The following BARD1 variants were observed in gnomAD, a reference collection of about 807,000 sequenced individuals.
BARD1 encodes the protein BRCA1-associated RING domain protein 1.
BARD1 carries 73 observed loss-of-function variants against 77.0 expected under a neutral mutation model. The ratio of observed to expected loss-of-function variants is 0.95; its 90% CI spans 0.79 to 1.15. The LOEUF is 1.15. Ranked by LOEUF, BARD1 falls within the 50% of genes most tolerant of loss-of-function variation. The pLI is 0.00. For synonymous variants in BARD1, 384 were observed against 338.0 expected (o/e 1.14, Z -1.49); for missense variants, 993 against 938.8 (o/e 1.06, Z -0.75).
chr2:214,752,890 T>C (rs981687977), intron 6 of BARD1, among the ~76,000 whole-genome samples: 2 of 152,154 alleles, frequency 1.3e-5, no homozygotes, highest in African/African-American at 2.4e-5. Context: ...TCATTTACTA[T>C]AGCTATTATA....
intron 4 of BARD1, among the ~76,000 whole-genome samples, chr2:214,776,665 T>C (rs1276684448): frequency 6.6e-6 from 1 of 152,152 alleles, no homozygotes; most frequent in African/African-American, 2.4e-5. Context: ...TTCAGTGGTG[T>C]GGTCAAAAAA....
At chr2:214,747,057 A>C (rs1693156584) in intron 7 of BARD1, among the ~76,000 whole-genome samples, 1 of 152,056 alleles carries the variant, frequency 6.6e-6, no homozygotes, top group Admixed American at 6.5e-5. Flanking sequence ...ATATGAACAG[A>C]CACTTCTCAA....
chr2:214,740,964 C>T (rs1692796706), intron 9 of BARD1, among the ~76,000 whole-genome samples: 1 of 151,860 alleles, frequency 6.6e-6, no homozygotes, highest in Admixed American at 6.6e-5. Flanking sequence ...TTTTAAAATT[C>T]CATAGTACTC....
Position 214,726,374 on chromosome 2 carries a change from C to T in BARD1, c.*2302G>A, listed in dbSNP as rs775067397. 4.9e-6 allele frequency: 1 copy of T among 206,114 alleles called. No individual in the cohort carries two copies. The highest frequency in any genetic ancestry group is 1.9e-4 in the South Asian group (1 of 5,292). The allele number at this position is 206,114 out of a possible 1,614,324, so 12.8% of individuals were successfully genotyped here. On this transcript the variant is annotated 3_prime_UTR_variant, in exon 11 of 11. Transcript: ENST00000260947. Reference sequence around the variant, plus strand: ...ATGTGGAAAAGCTACCAGCCTCTCACTTTTAGAGACACAAAGCAATCAGTG... The same window carrying T: ...ATGTGGAAAAGCTACCAGCCTCTCATTTTTAGAGACACAAAGCAATCAGTG...
At position 214,744,175 on chromosome 2, in the gene BARD1, G is replaced by T. The variant is rs140879108; in HGVS notation, c.1903+892C>A. ...CAAGTAGAAATGTAAATGAGTGACA[G>T]CAGGGAAGGTGACAGGCAGCTCTGA... On this transcript the variant is annotated intron_variant, in intron 9 of 10. Transcript: ENST00000260947. Among the ~76,000 whole-genome samples, 535 of 152,268 alleles carry T rather than the reference G, an allele frequency of 3.5e-3. 2 individuals carry two copies. Among genetic ancestry groups the T allele is most frequent in the African/African-American group, 0.012 (493 of 41,556 alleles).
chr2:214,799,412 T>C (rs1479126387), intron 1 of BARD1, among the ~76,000 whole-genome samples: 1 of 152,240 alleles, frequency 6.6e-6, no homozygotes, highest in Non-Finnish European at 1.5e-5. Context: ...AACAAACAAA[T>C]GAATAGATGG....
intron 9 of BARD1, among the ~76,000 whole-genome samples, chr2:214,744,856 C>A (rs747810966): frequency 6.6e-6 from 1 of 152,146 alleles, no homozygotes; most frequent in Non-Finnish European, 1.5e-5. Flanking sequence ...TGATCTCGAT[C>A]TCCTGGCCTT....
chr2:214,780,801 G>A lies in BARD1; in HGVS notation c.1073C>T (p.Pro358Leu), dbSNP rs1553622261. The A allele has an allele frequency of 6.2e-7, 1 of 1,613,754 alleles. No homozygotes were observed. The change falls in exon 4 of 11, where the codon CCA (proline) becomes CTA (leucine). Residue 358 changes from proline to leucine, a missense_variant. Physicochemically the swap from Pro to Leu is moderately conservative, Grantham distance 98 (BLOSUM62 -3). Coordinates refer to ENST00000260947, the MANE Select transcript of BARD1 (RefSeq NM_000465.4). ...AGGTGGTGAAGAACATTCAGGCAATGGTATATTTTCTGAGGGCACCGTTTG... is the reference window on the plus strand; with the variant it reads ...AGGTGGTGAAGAACATTCAGGCAATAGTATATTTTCTGAGGGCACCGTTTG... ...VKQTVPSENIPLPECSSPPSC... is the reference protein window; with the variant it reads ...VKQTVPSENILLPECSSPPSC...
At chr2:214,737,910 T>C (rs1009849940) in intron 9 of BARD1, among the ~76,000 whole-genome samples, 10 of 152,166 alleles carry the variant, frequency 6.6e-5, no homozygotes, top group African/African-American at 2.4e-4. Flanking sequence ...ATTCCATCAG[T>C]TTAGTAGAAA....
intron 6 of BARD1, among the ~76,000 whole-genome samples, chr2:214,760,656 T>G (rs1490138576): frequency 2.0e-5 from 3 of 152,168 alleles, no homozygotes; most frequent in African/African-American, 7.2e-5. Flanking sequence ...ACAAAAATAT[T>G]TACTCTTCTA....
rs536197710 is a variant in BARD1, at chr2:214,799,162, A to G, written c.159-2045T>C. 4.0e-4 allele frequency among the ~76,000 whole-genome samples: 61 copies of G among 151,822 alleles called. No individual in the cohort carries two copies. The Middle Eastern group carries it at 0.017, about 43-fold the overall frequency. ...TTAAAAATATAAAAATTAGCCAGGC[A>G]TGGTAGTGCACGCCTGTAATCCCAG... On this transcript the variant is annotated intron_variant, in intron 1 of 10. Transcript: ENST00000260947.
chr2:214,799,521 C>G (rs946680126), intron 1 of BARD1, among the ~76,000 whole-genome samples: 1 of 152,192 alleles, frequency 6.6e-6, no homozygotes, highest in Middle Eastern at 3.4e-3. Context: ...ATCTCTTCAC[C>G]AGTCATCTTA....
At chr2:214,743,785 T>C (rs1326200645) in intron 9 of BARD1, among the ~76,000 whole-genome samples, 4 of 152,166 alleles carry the variant, frequency 2.6e-5, no homozygotes. Flanking sequence ...GGGTTTGCCA[T>C]GTTGGCCTGG....
chr2:214,758,863 A>G (rs2106054268), intron 6 of BARD1, among the ~76,000 whole-genome samples: 1 of 152,338 alleles, frequency 6.6e-6, no homozygotes, highest in South Asian at 2.1e-4. Flanking sequence ...TAAAAGAGAG[A>G]AAGGAGAGAT....
chr2:214,806,876 G>GAAAAAA lies in BARD1; in HGVS notation c.158+2530_158+2535dup, dbSNP rs10636746. On this transcript the variant is annotated intron_variant, in intron 1 of 10. Transcript: ENST00000260947. ...GTGACAGAGTGAAACTTTGCCTAGGGAAAAAAAAAAAAAAAAGGCACCCCA... is the reference window on the plus strand; with the variant it reads ...GTGACAGAGTGAAACTTTGCCTAGGGAAAAAAAAAAAAAAAAAAAAAAGGCACCCCA... Among the ~76,000 whole-genome samples, 107 of 133,592 alleles carry GAAAAAA rather than the reference G, an allele frequency of 8.0e-4. 3 individuals are homozygous for GAAAAAA. The highest frequency in any genetic ancestry group is 2.0e-3 in the African/African-American group (72 of 36,294). The allele number at this position is 133,592 out of a possible 152,430, so 87.6% of individuals were successfully genotyped here.
At chr2:214,771,657 G>A (rs1208066709) in intron 4 of BARD1, among the ~76,000 whole-genome samples, 10 of 151,816 alleles carry the variant, frequency 6.6e-5, no homozygotes, top group Non-Finnish European at 1.3e-4. Context: ...GAACCCAGGA[G>A]GCGGAGGTTG....
At chr2:214,770,047 A>G (rs1354241886) in intron 4 of BARD1, among the ~76,000 whole-genome samples, 5 of 152,190 alleles carry the variant, frequency 3.3e-5, no homozygotes, top group African/African-American at 1.2e-4. Flanking sequence ...AAAACAGCCA[A>G]AAACTGCCAT....
intron 4 of BARD1, among the ~76,000 whole-genome samples, chr2:214,771,291 CGTGA>C (rs1389619918): frequency 6.6e-6 from 1 of 152,140 alleles, no homozygotes; most frequent in Non-Finnish European, 1.5e-5. Flanking sequence ...CAATGAGTTT[CGTGA>C]GTGCTTCTTT....
chr2:214,765,892 T>C (rs1035630183), intron 6 of BARD1, among the ~76,000 whole-genome samples: 1 of 152,216 alleles, frequency 6.6e-6, no homozygotes, highest in Non-Finnish European at 1.5e-5. Flanking sequence ...GTATGGTACA[T>C]TCTTGCATTA....
Sources: allele counts gnomAD v4.1 joint callset (sites outside exome capture counted in the v4.1 genomes callset), GRCh38; gene constraint gnomAD v4.1.1; transcripts MANE v1.5; gene names NCBI Gene and HGNC (gene_info 2026-07-23, HGNC 2026-07-21).